GFRAL: variants seen among roughly 807,000 people sequenced by gnomAD.
GFRAL encodes GDNF family receptor alpha like.
GFRAL carries 36 observed loss-of-function variants against 45.4 expected under a neutral mutation model. The observed-to-expected ratio is 0.79, with a 90% CI of 0.61 to 1.05. The LOEUF is 1.05. GFRAL is among the 50% of genes least tolerant of loss of function. GFRAL has a pLI of 0.00. For missense variants in GFRAL, 507 were observed against 467.5 expected (o/e 1.08, Z -0.78); for synonymous variants, 166 against 154.1 (o/e 1.08, Z -0.57).
At chr6:55,347,207 G>T (rs1562051754) in intron 3 of GFRAL, among the ~76,000 whole-genome samples, 1 of 152,082 alleles carries the variant, frequency 6.6e-6, no homozygotes, top group African/African-American at 2.4e-5. Context: ...TGAATAAAAA[G>T]ATGAAAGTTC....
intron 8 of GFRAL, among the ~76,000 whole-genome samples, 172 bp downstream of exon 8, chr6:55,399,613 C>T (rs530298716): frequency 6.6e-6 from 1 of 152,256 alleles, no homozygotes; most frequent in Non-Finnish European, 1.5e-5. Context: ...TACTTTCAGT[C>T]TTCCTACATA....
chr6:55,345,710 A>G (rs1768032196), intron 3 of GFRAL, among the ~76,000 whole-genome samples: 1 of 152,286 alleles, frequency 6.6e-6, no homozygotes, highest in African/African-American at 2.4e-5. Flanking sequence ...TAATTAAACT[A>G]AAGAGCTTCT....
At chr6:55,338,485 G>C (rs1233084849) in intron 3 of GFRAL, among the ~76,000 whole-genome samples, 1 of 152,020 alleles carries the variant, frequency 6.6e-6, no homozygotes, top group Non-Finnish European at 1.5e-5. Context: ...ACATATTTTG[G>C]ATGATCTCAA....
At chr6:55,357,623 C>T (rs1263318589) in intron 5 of GFRAL, among the ~76,000 whole-genome samples, 1 of 151,514 alleles carries the variant, frequency 6.6e-6, no homozygotes, top group African/African-American at 2.4e-5. Flanking sequence ...TCCGTTTAAT[C>T]CATTCAGCCA....
In GFRAL at chr6:55,350,296, T is replaced by A. The variant is rs1768099047; in HGVS notation, c.370+151T>A. The A allele has an allele frequency of 3.3e-5, 19 of 578,102 alleles. No homozygotes were observed. In the East Asian group the frequency reaches 5.6e-4, roughly 17 times the overall value. 35.8% of individuals were successfully genotyped at this position (578,102 alleles called of 1,614,324 possible). A position where few individuals can be genotyped will look rare whatever the true frequency, so the allele number is the denominator to read the frequency against. ...ATAAAATGCAGCAAAATCATTTCAT[T>A]TCTTTTACTAATGATGCATCAAAGC... is the stretch of plus-strand genomic sequence containing the variant. On this transcript the variant is annotated intron_variant, in intron 4 of 8. Transcript: ENST00000340465.
chr6:55,375,864 G>T (rs562989607), intron 6 of GFRAL, among the ~76,000 whole-genome samples: 1 of 152,172 alleles, frequency 6.6e-6, no homozygotes, highest in East Asian at 1.9e-4. Flanking sequence ...TCCCTTGCCT[G>T]ATTTCCCTGG....
At chr6:55,337,013 A>G (rs1337059027) in intron 3 of GFRAL, among the ~76,000 whole-genome samples, 6 of 151,498 alleles carry the variant, frequency 4.0e-5, no homozygotes, top group African/African-American at 1.5e-4. Flanking sequence ...TTTTTTGGGG[A>G]GTATTTCTAT....
chr6:55,389,351 G>A (rs950933167), intron 6 of GFRAL, among the ~76,000 whole-genome samples: 5 of 151,990 alleles, frequency 3.3e-5, no homozygotes, highest in African/African-American at 7.2e-5. Flanking sequence ...TGAAAGCCTA[G>A]TACTTATCTC....
At chr6:55,395,732 A>C (rs889881250) in intron 6 of GFRAL, among the ~76,000 whole-genome samples, 1 of 151,770 alleles carries the variant, frequency 6.6e-6, no homozygotes, top group Admixed American at 6.6e-5. Context: ...TTATATAAGC[A>C]GAGTTTCAGT....
chr6:55,352,150 T>C (rs1768126579), intron 5 of GFRAL, among the ~76,000 whole-genome samples: 1 of 152,078 alleles, frequency 6.6e-6, no homozygotes, highest in Non-Finnish European at 1.5e-5. Context: ...TACATGGAGT[T>C]CCCAAGGAGG....
intron 3 of GFRAL, among the ~76,000 whole-genome samples, chr6:55,335,764 A>C (rs1767882302): frequency 6.6e-6 from 1 of 152,142 alleles, no homozygotes; most frequent in Non-Finnish European, 1.5e-5. Context: ...ATTCTGTTCC[A>C]TTGAGTTAAT....
chr6:55,391,426 C>A (rs1480186801), intron 6 of GFRAL, among the ~76,000 whole-genome samples: 2 of 152,052 alleles, frequency 1.3e-5, no homozygotes, highest in African/African-American at 4.8e-5. Flanking sequence ...TAATTTTGAA[C>A]CATAAGTTTT....
intron 6 of GFRAL, among the ~76,000 whole-genome samples, chr6:55,366,341 A>G (rs868814259): frequency 6.9e-6 from 1 of 144,682 alleles, no homozygotes; most frequent in Admixed American, 6.8e-5. Context: ...TTTTTTCTTT[A>G]TTAGTCTTGC....
At chr6:55,384,230 C>T (rs1768650935) in intron 6 of GFRAL, among the ~76,000 whole-genome samples, 2 of 151,892 alleles carry the variant, frequency 1.3e-5, no homozygotes, top group South Asian at 4.2e-4. Flanking sequence ...ATGTAACAAA[C>T]CTGCATGTTC....
chr6:55,381,338 T>C (rs1168901883), intron 6 of GFRAL, among the ~76,000 whole-genome samples: 1 of 151,924 alleles, frequency 6.6e-6, no homozygotes, highest in Non-Finnish European at 1.5e-5. Context: ...TTCATTTCTT[T>C]TTATAGCCAT....
intron 6 of GFRAL, among the ~76,000 whole-genome samples, chr6:55,364,791 G>T (rs12182119): frequency 6.6e-6 from 1 of 151,360 alleles, no homozygotes; most frequent in Non-Finnish European, 1.5e-5. Flanking sequence ...CTGTTCCATT[G>T]ATCTATATCT....
chr6:55,399,559 A>C (rs1203377416), intron 8 of GFRAL, 118 bp downstream of exon 8: 1 of 721,230 alleles, frequency 1.4e-6, no homozygotes. Flanking sequence ...CTCTGTTAAG[A>C]CATATTAAAT....
chr6:55,360,772 C>T (rs948741718), intron 6 of GFRAL, among the ~76,000 whole-genome samples: 4 of 151,682 alleles, frequency 2.6e-5, no homozygotes, highest in Non-Finnish European at 5.9e-5. Flanking sequence ...AGGAAAATAC[C>T]AAATAACCAA....
Position 55,338,883 on chromosome 6 carries a change from G to A in GFRAL, c.316+4939G>A, listed in dbSNP as rs555135196. Among the ~76,000 whole-genome samples the A allele has an allele frequency of 1.2e-4, 19 of 152,212 alleles. No homozygotes were observed. In the South Asian group the frequency reaches 1.7e-3, roughly 13 times the overall value. On this transcript the variant is annotated intron_variant, in intron 3 of 8. Transcript: ENST00000340465. ...TTCTAAAGAGATTAGACTTTAAACC[G>A]TTGCTATGAGGAGCTATTACATATT...
Sources: gnomAD v4.1 joint callset for allele counts (sites outside exome capture counted in the v4.1 genomes callset) on GRCh38, gnomAD v4.1.1 for gene constraint, MANE v1.5 for transcripts, NCBI Gene and HGNC (gene_info 2026-07-23, HGNC 2026-07-21) for gene names.